LARGE2: variants seen among roughly 807,000 people sequenced by gnomAD.
The protein encoded by LARGE2 is xylosyl- and glucuronyltransferase LARGE2.
Under a neutral mutation model 75.3 loss-of-function variants are expected in LARGE2, and 63 were observed. The ratio of observed to expected loss-of-function variants is 0.84; its 90% CI spans 0.68 to 1.03. LARGE2 has a LOEUF of 1.03. Ranked by LOEUF, LARGE2 falls within the 50% of genes least tolerant of loss-of-function variation. The pLI is 0.00. For missense variants in LARGE2, 925 were observed against 980.6 expected, an observed-to-expected ratio of 0.94 and a Z score of 0.76; for synonymous variants, 428 against 420.1, an observed-to-expected ratio of 1.02 and a Z score of -0.23.
At chr11:45,927,171 C>A in intron 10 of LARGE2, 144 bp from the exon 11 acceptor site, 1 of 946,818 alleles carries the variant, frequency 1.1e-6, no homozygotes, top group Non-Finnish European at 1.6e-6. Flanking sequence ...AAGATTCAAT[C>A]AGACTGGCTC....
intron 13 of LARGE2, 63 bp from the exon 14 acceptor site, chr11:45,928,567 G>A: frequency 6.3e-7 from 1 of 1,582,542 alleles, no homozygotes; most frequent in East Asian, 2.2e-5. Flanking sequence ...GTTCTCTGGA[G>A]CTGCACCTTC....
chr11:45,926,569 C>T lies in LARGE2; in HGVS notation c.1136C>T (p.Pro379Leu). ...NLLRRELFVC[P>L]SQPPPGAEQL... The stretch of plus-strand genomic sequence containing the variant: ...CTGCGGAGAGAGCTCTTTGTGTGCC[C>T]CAGCCAGCCCCCACCTGGTGCTGAG... The change falls in exon 9 of 14, where the codon CCC becomes CTC. Residue 379 changes from proline to leucine, a missense_variant. Transcript: ENST00000401752. The T allele has an allele frequency of 6.2e-7, 1 of 1,614,070 alleles. No homozygotes were observed. Among genetic ancestry groups the T allele is most frequent in the Non-Finnish European group, 8.5e-7 (1 of 1,180,008 alleles).
intron 10 of LARGE2, 98 bp from the exon 11 acceptor site, chr11:45,927,217 A>G: frequency 7.4e-7 from 1 of 1,346,352 alleles, no homozygotes; most frequent in Non-Finnish European, 1.0e-6. Flanking sequence ...AAGTCACTTG[A>G]GGAGGTGGCA....
At chr11:45,923,439 G>GA (rs1565088819) in intron 2 of LARGE2, 34 bp from the exon 3 acceptor site, 3 of 1,504,834 alleles carry the variant, frequency 2.0e-6, no homozygotes, top group Non-Finnish European at 2.7e-6. Context: ...AGCGGAGAAG[G>GA]GGGGCTGCTG....
At position 45,926,135 on chromosome 11, in the gene LARGE2, C is replaced by T. The variant is rs1474924499; in HGVS notation, c.866C>T (p.Thr289Ile). 6.3e-7 allele frequency: 1 copy of T among 1,583,114 alleles called. No homozygotes were observed. Among genetic ancestry groups the T allele is most frequent in the Non-Finnish European group, 8.6e-7 (1 of 1,164,462 alleles). ...CGGGAGCTCCTTAGCCTGCCTGCCA[C>T]CTCACTGGCTGACCAGGTCTGAGGA... The part of the protein sequence containing the change: ...ARRELLSLPA[T>I]SLADQDIFNA... The change falls in exon 7 of 14, where the codon ACC (threonine) becomes ATC (isoleucine). Residue 289 changes from threonine (T) to isoleucine (I), a missense_variant. Around this residue, in one of 3 missense-constraint regions of LARGE2, gnomAD observed 453 missense variants for 460.2 expected, o/e 0.98. Coordinates refer to ENST00000401752, the MANE Select transcript of LARGE2 (RefSeq NM_001300721.2).
In LARGE2 at chr11:45,928,688, G is replaced by A. The variant is rs888278050; in HGVS notation, c.2009G>A (p.Ser670Asn). 2 of 1,613,996 alleles carry A rather than the reference G, an allele frequency of 1.2e-6. No individual in the cohort carries two copies. The highest frequency in any genetic ancestry group is 1.7e-6 in the Non-Finnish European group (2 of 1,180,030). The change falls in exon 14 of 14, where the codon AGC becomes AAC. Residue 670 changes from serine (S) to asparagine (N), a missense_variant. Transcript: ENST00000401752. ...AFTIHLPHAP[S>N]LDISRFRSSP... ...ACCATCCATCTGCCCCACGCTCCAAGCCTGGACATCTCCCGCTTCCGCTCC... is the reference window on the plus strand; with the variant it reads ...ACCATCCATCTGCCCCACGCTCCAAACCTGGACATCTCCCGCTTCCGCTCC...
rs1251890630 is a variant in LARGE2, at chr11:45,923,496, T to C, written c.309T>C (p.Cys103=). 1.2e-6 allele frequency: 2 copies of C among 1,613,826 alleles called. No individual in the cohort carries two copies. The highest frequency in any genetic ancestry group is 1.6e-4 in the Middle Eastern group (1 of 6,062). ...AGCTCTTGCATGTGGCCATCGTGTG[T>C]GCGGGGCATAACTCCAGCCGAGACG... ...KCELLHVAIV[C]AGHNSSRDVI... The change falls in exon 3 of 14, where the codon TGT becomes TGC. Residue 103 remains cysteine, a synonymous_variant. Coordinates refer to ENST00000401752, the MANE Select transcript of LARGE2 (RefSeq NM_001300721.2).
chr11:45,926,667 T>C, intron 9 of LARGE2, 44 bp from the exon 10 acceptor site: 1 of 1,611,682 alleles, frequency 6.2e-7, no homozygotes, highest in Non-Finnish European at 8.5e-7. Context: ...GGGGATGTGT[T>C]GTTCTGCCCT....
intron 11 of LARGE2, 135 bp downstream of exon 11, chr11:45,927,728 G>A (rs761768588): frequency 1.4e-5 from 20 of 1,444,976 alleles, no homozygotes; most frequent in Non-Finnish European, 1.4e-5. Context: ...GTATTAGGCT[G>A]TTTCTCTGGG....
rs568265908 is a variant in LARGE2, at chr11:45,926,163, C to A, written c.882+12C>A. 1.2e-6 allele frequency: 2 copies of A among 1,600,960 alleles called. No individual in the cohort carries two copies. Among genetic ancestry groups the A allele is most frequent in the East Asian group, 2.3e-5 (1 of 44,076 alleles). On this transcript the variant is annotated intron_variant, in intron 7 of 13. Transcript: ENST00000401752. ...CACTGGCTGACCAGGTCTGAGGAAG[C>A]CTTGCCGGGTGGGGTGTGGCAGGCT... is the stretch of plus-strand genomic sequence containing the variant.
Position 45,927,371 on chromosome 11 carries a change from T to C in LARGE2, c.1382T>C (p.Leu461Ser), listed in dbSNP as rs916289551. Residue 461 changes from leucine (L) to serine (S), a missense_variant, in exon 11 of 14, where the codon TTG becomes TCG. Physicochemically the swap from Leu to Ser is moderately radical, Grantham distance 145 (BLOSUM62 -2). Coordinates refer to ENST00000401752, the MANE Select transcript of LARGE2 (RefSeq NM_001300721.2). Reference sequence around the variant, plus strand: ...TGGCCTGGCCCCATGAGCCTGGCCTTGTACCTGACAGACGCAGAAGCTCAG... The same window carrying C: ...TGGCCTGGCCCCATGAGCCTGGCCTCGTACCTGACAGACGCAGAAGCTCAG... The part of the protein sequence containing the change: ...RHWPGPMSLA[L>S]YLTDAEAQQF... The C allele has an allele frequency of 6.2e-7, 1 of 1,614,002 alleles. No individual in the cohort carries two copies. The highest frequency in any genetic ancestry group is 1.3e-5 in the African/African-American group (1 of 75,056).
At position 45,924,657 on chromosome 11, in the gene LARGE2, C is replaced by T; in HGVS notation, c.644C>T (p.Ala215Val). The change falls in exon 5 of 14, where the codon GCC becomes GTC. Residue 215 changes from alanine (A) to valine (V), a missense_variant. Coordinates refer to ENST00000401752, the MANE Select transcript of LARGE2 (RefSeq NM_001300721.2). ...GCCTCTGACATCTCGGAGCTCTGGG[C>T]CCTCTTTGCTCACTTTTCTGGTGAG... ...TFASDISELW[A>V]LFAHFSDTQA... is the part of the protein sequence containing the mutation. 1 of 1,613,106 alleles carries T rather than the reference C, an allele frequency of 6.2e-7. No homozygotes were observed. The highest frequency in any genetic ancestry group is 8.5e-7 in the Non-Finnish European group (1 of 1,179,518).
rs754698392 is a variant in LARGE2 at position 45,924,685 on chromosome 11, G to A, written c.664+8G>A. 1 of 1,602,286 alleles carries A rather than the reference G, an allele frequency of 6.2e-7. No individual in the cohort carries two copies. Among genetic ancestry groups the A allele is most frequent in the East Asian group, 2.3e-5 (1 of 44,282 alleles). ...TCTTTGCTCACTTTTCTGGTGAGAGGCCTGGGAGCCTGCCTGGCCTGCCCA... is the reference window on the plus strand; with the variant it reads ...TCTTTGCTCACTTTTCTGGTGAGAGACCTGGGAGCCTGCCTGGCCTGCCCA... On this transcript the variant is annotated splice_region_variant and intron_variant, in intron 5 of 13. Coordinates refer to ENST00000401752, the MANE Select transcript of LARGE2 (RefSeq NM_001300721.2).
intron 4 of LARGE2, 43 bp downstream of exon 4, chr11:45,924,320 C>T (rs776678364): frequency 4.4e-6 from 7 of 1,605,992 alleles, no homozygotes; most frequent in African/African-American, 2.7e-5. Context: ...CTGTGTCCAC[C>T]GCTCTCCTCT....
In LARGE2 at chr11:45,927,902, A is replaced by T. The variant is rs1477983678; in HGVS notation, c.1605-18A>T. ...GATGCCCCGCTCTTCTCCCCTGCTC[A>T]TGGGTGCTCCTCCTCAGGGCCTCCA... On this transcript the variant is annotated intron_variant, in intron 11 of 13. Transcript: ENST00000401752. 19 of 1,611,946 alleles carry T rather than the reference A, an allele frequency of 1.2e-5. No individual in the cohort carries two copies. The highest frequency in any genetic ancestry group is 1.4e-5 in the Non-Finnish European group (17 of 1,179,178).
Position 45,923,268 on chromosome 11 carries a change from G to GC in LARGE2, c.285+102dup, listed in dbSNP as rs1400463687. 3.1e-6 allele frequency: 4 copies of GC among 1,288,562 alleles called. No individual in the cohort carries two copies. In the Admixed American group the frequency reaches 1.2e-4, roughly 38 times the overall value. 79.8% of individuals were successfully genotyped at this position (1,288,562 alleles called of 1,614,324 possible). On this transcript the variant is annotated intron_variant, in intron 2 of 13. Transcript: ENST00000401752. Reference sequence around the variant, plus strand: ...AATCACAGTACCTGGCGTCTGTCCAGCACTGGCCAGCCGGCTGGGGCGCAC... The same window carrying GC: ...AATCACAGTACCTGGCGTCTGTCCAGCCACTGGCCAGCCGGCTGGGGCGCAC...
In LARGE2 at chr11:45,922,923, C is replaced by CGTTGTT; in HGVS notation, c.42_43insTTGTTG (p.Leu21_Leu22dup). The CGTTGTT allele has an allele frequency of 7.8e-7, 1 of 1,282,072 alleles. No homozygotes were observed. The highest frequency in any genetic ancestry group is 9.8e-7 in the Non-Finnish European group (1 of 1,018,826). 79.4% of individuals were successfully genotyped at this position (1,282,072 alleles called of 1,614,324 possible). A position where few individuals can be genotyped will look rare whatever the true frequency, so the allele number is the denominator to read the frequency against. ...CGCCCCCGGGCGCTGGGGGCCGCCG[C>CGTTGTT]GCTGTTGCTGCTGCTGCTGCTGCTC... On this transcript the variant is annotated inframe_insertion, in exon 2 of 14. Transcript: ENST00000401752.
Position 45,923,122 on chromosome 11 carries a change from C to A in LARGE2, c.240C>A (p.Asn80Lys). Residue 80 changes from asparagine (N) to lysine (K), a missense_variant, in exon 2 of 14, where the codon AAC becomes AAA. Around this residue, in one of 3 missense-constraint regions of LARGE2, gnomAD observed 453 missense variants for 460.2 expected, o/e 0.98. Transcript: ENST00000401752. ...GDPGAGPGDH[N>K]RSDCGPQPPP... ...CGGGGGCCGGCCCCGGGGACCACAA[C>A]CGCTCCGACTGCGGCCCGCAGCCGC... 7.3e-7 allele frequency: 1 copy of A among 1,370,746 alleles called. No homozygotes were observed. Among genetic ancestry groups the A allele is most frequent in the Non-Finnish European group, 9.3e-7 (1 of 1,070,370 alleles). 84.9% of individuals were successfully genotyped at this position (1,370,746 alleles called of 1,614,324 possible).
At chr11:45,922,777 C>G in intron 1 of LARGE2, 44 bp from the exon 2 acceptor site, 2 of 980,548 alleles carry the variant, frequency 2.0e-6, no homozygotes, top group South Asian at 1.1e-4. Context: ...CGTCGGGCCC[C>G]GCCGCCCAGG....
Sources: allele counts gnomAD v4.1 joint callset, GRCh38; gene constraint gnomAD v4.1.1; regional missense constraint gnomAD v4.1.1; transcripts MANE v1.5; gene names NCBI Gene and HGNC (gene_info 2026-07-23, HGNC 2026-07-21).